The following MRGPRX3 variants were observed in gnomAD, a reference collection of about 807,000 sequenced individuals.
MRGPRX3 encodes the protein mas-related G protein-coupled receptor member X3.
In MRGPRX3, 14 loss-of-function variants were observed where a neutral mutation model predicts 16.5. The observed-to-expected ratio is 0.85, with a 90% CI of 0.56 to 1.33. The LOEUF is 1.33. Ranked by LOEUF, MRGPRX3 falls within the 40% of genes most tolerant of loss-of-function variation. The pLI, the probability that MRGPRX3 is intolerant of heterozygous loss-of-function variation, is 0.00. For synonymous variants in MRGPRX3, 199 were observed against 180.1 expected (o/e 1.10, Z -0.84); for missense variants, 449 against 413.0 (o/e 1.09, Z -0.76).
chr11:18,127,755 G>A (rs994750214), upstream of MRGPRX3, among the ~76,000 whole-genome samples: 3 of 152,078 alleles, frequency 2.0e-5, no homozygotes, highest in South Asian at 6.2e-4. Flanking sequence ...TCGTCTGAAG[G>A]CTTCTTCTCT....
chr11:18,129,797 C>A (rs765893507), upstream of MRGPRX3, among the ~76,000 whole-genome samples: 2 of 152,158 alleles, frequency 1.3e-5, no homozygotes, highest in Non-Finnish European at 2.9e-5. Flanking sequence ...TACTAGCTAA[C>A]CCAATCCAAC....
rs1473817971 is a variant in MRGPRX3 at position 18,137,889 on chromosome 11, C to A, written c.687C>A (p.Gly229=). Residue 229 remains glycine (G), a synonymous_variant, in exon 2 of 2, where the codon GGC becomes GGA. Transcript: ENST00000621697. ...LLTVLVFLLC[G]LPFGIQWALF... is the part of the protein sequence containing the mutation. ...CAGTGCTGGTCTTCCTCCTCTGTGG[C>A]CTGCCCTTTGGCATTCAGTGGGCCC... 2 of 1,614,100 alleles carry A rather than the reference C, an allele frequency of 1.2e-6. No homozygotes were observed. Among genetic ancestry groups the A allele is most frequent in the African/African-American group, 2.7e-5 (2 of 74,938 alleles).
chr11:18,135,287 C>T (rs1479301451), intron 1 of MRGPRX3, among the ~76,000 whole-genome samples: 1 of 152,154 alleles, frequency 6.6e-6, no homozygotes, highest in East Asian at 1.9e-4. Context: ...TACGGATCTT[C>T]GGGTTTCATG....
At chr11:18,132,228 T>C (rs1429355907), upstream of MRGPRX3, among the ~76,000 whole-genome samples, 1 of 152,160 alleles carries the variant, frequency 6.6e-6, no homozygotes, top group African/African-American at 2.4e-5. Flanking sequence ...AAAGAAAGTA[T>C]ACACATGAAT....
At position 18,137,511 on chromosome 11, in the gene MRGPRX3, C is replaced by T. The variant is rs1387076162; in HGVS notation, c.309C>T (p.Thr103=). Reference sequence around the variant, plus strand: ...CCAAAATCCTCAGTCCTGTGATGACCTTTCCCTACTTTATAGGCCTAAGCA... The same window carrying T: ...CCAAAATCCTCAGTCCTGTGATGACTTTTCCCTACTTTATAGGCCTAAGCA... ...PISKILSPVM[T]FPYFIGLSML... The change falls in exon 2 of 2, where the codon ACC becomes ACT. Residue 103 remains threonine (T), a synonymous_variant. Coordinates refer to ENST00000621697, the MANE Select transcript of MRGPRX3 (RefSeq NM_001370464.1). 1 of 1,614,196 alleles carries T rather than the reference C, an allele frequency of 6.2e-7. No homozygotes were observed. The highest frequency in any genetic ancestry group is 8.5e-7 in the Non-Finnish European group (1 of 1,180,046).
chr11:18,134,518 C>T (rs1164364895), intron 1 of MRGPRX3, among the ~76,000 whole-genome samples: 1 of 152,154 alleles, frequency 6.6e-6, no homozygotes, highest in African/African-American at 2.4e-5. Flanking sequence ...AGAGTATATA[C>T]AAATACCACA....
chr11:18,137,022 C>T (rs1681608569), intron 1 of MRGPRX3, among the ~76,000 whole-genome samples, 156 bp from the exon 2 acceptor site: 1 of 152,176 alleles, frequency 6.6e-6, no homozygotes, highest in Non-Finnish European at 1.5e-5. Flanking sequence ...GGATTTCAAA[C>T]TGGATTTGAG....
At chr11:18,132,036 G>C (rs1564880884), upstream of MRGPRX3, among the ~76,000 whole-genome samples, 1 of 152,100 alleles carries the variant, frequency 6.6e-6, no homozygotes, top group Non-Finnish European at 1.5e-5. Context: ...AACACCACCT[G>C]TTCCCCAAAA....
At chr11:18,129,088 G>A (rs72863178), upstream of MRGPRX3, among the ~76,000 whole-genome samples, 12,368 of 152,272 alleles carry the variant, frequency 0.081, 527 homozygotes, top group Middle Eastern at 0.13. Flanking sequence ...ACATCAAAAT[G>A]TCTGAAAGAG....
At chr11:18,134,995 T>C (rs375661003) in intron 1 of MRGPRX3, among the ~76,000 whole-genome samples, 4 of 152,188 alleles carry the variant, frequency 2.6e-5, no homozygotes, top group East Asian at 3.9e-4. Flanking sequence ...TCTGATTCTG[T>C]GCTCACATCA....
At chr11:18,130,165 G>T (rs1465374187), upstream of MRGPRX3, among the ~76,000 whole-genome samples, 1 of 152,122 alleles carries the variant, frequency 6.6e-6, no homozygotes, top group Admixed American at 6.5e-5. Flanking sequence ...CATAGTAGTG[G>T]AAGTTTTAGC....
At chr11:18,128,262 A>G (rs1848922982), upstream of MRGPRX3, among the ~76,000 whole-genome samples, 1 of 152,196 alleles carries the variant, frequency 6.6e-6, no homozygotes, top group Admixed American at 6.5e-5. Context: ...CTTTTCTCAG[A>G]TCTCAAGCTG....
chr11:18,132,052 A>T (rs954024475), upstream of MRGPRX3, among the ~76,000 whole-genome samples: 1 of 152,318 alleles, frequency 6.6e-6, no homozygotes, highest in East Asian at 1.9e-4. Flanking sequence ...CAAAATCCCA[A>T]TGAAATAAAA....
intron 1 of MRGPRX3, among the ~76,000 whole-genome samples, chr11:18,134,196 T>C (rs188560373): frequency 1.6e-4 from 24 of 152,340 alleles, no homozygotes; most frequent in Non-Finnish European, 2.6e-4. Context: ...AAAGAACATA[T>C]GTATTTTGTT....
chr11:18,129,864 G>A (rs1246925127), upstream of MRGPRX3, among the ~76,000 whole-genome samples: 1 of 152,154 alleles, frequency 6.6e-6, no homozygotes, highest in Admixed American at 6.5e-5. Context: ...AGGGGTGCAG[G>A]ATAGGTTAAC....
intron 1 of MRGPRX3, among the ~76,000 whole-genome samples, chr11:18,124,802 T>A (rs1290124664): frequency 1.3e-5 from 2 of 152,246 alleles, no homozygotes; most frequent in African/African-American, 4.8e-5. Context: ...AATTCGGCTG[T>A]GAATTCATCT....
rs947585781 is a variant in MRGPRX3 at position 18,137,217 on chromosome 11, C to T, written c.15C>T (p.Ile5=). Residue 5 remains isoleucine (I), a synonymous_variant, in exon 2 of 2, where the codon ATC becomes ATT. Coordinates refer to ENST00000621697, the MANE Select transcript of MRGPRX3 (RefSeq NM_001370464.1). MDST[I]PVLGTELTPI... ...GGTTTCTGAGCATGGATTCAACCAT[C>T]CCAGTCTTGGGTACAGAACTGACAC... is the stretch of plus-strand genomic sequence containing the variant. 1.3e-6 allele frequency: 2 copies of T among 1,597,520 alleles called. No individual in the cohort carries two copies. The highest frequency in any genetic ancestry group is 1.7e-6 in the Non-Finnish European group (2 of 1,169,434).
chr11:18,122,677 T>A (rs1442425280), intron 1 of MRGPRX3, among the ~76,000 whole-genome samples: 1 of 152,188 alleles, frequency 6.6e-6, no homozygotes, highest in Admixed American at 6.5e-5. Context: ...AGCAGGGTGA[T>A]TTATAATCCT....
chr11:18,137,687 A>G lies in MRGPRX3; in HGVS notation c.485A>G (p.Asp162Gly), dbSNP rs757003097. 1.9e-5 allele frequency: 30 copies of G among 1,613,596 alleles called. No individual in the cohort carries two copies. The South Asian group carries it at 3.1e-4, about 17-fold the overall frequency. The change falls in exon 2 of 2, where the codon GAC becomes GGC. Residue 162 changes from aspartate to glycine, a missense_variant. Coordinates refer to ENST00000621697, the MANE Select transcript of MRGPRX3 (RefSeq NM_001370464.1). ...AGTATCCTGGAGTGGATGTTCTGTG[A>G]CTTCCTGTTTAGTGGTGCTAATTCT... is the stretch of plus-strand genomic sequence containing the variant. ...LRSILEWMFC[D>G]FLFSGANSVW...
Sources: allele counts gnomAD v4.1 joint callset (sites outside exome capture counted in the v4.1 genomes callset), GRCh38; gene constraint gnomAD v4.1.1; transcripts MANE v1.5; gene names NCBI Gene and HGNC (gene_info 2026-07-23, HGNC 2026-07-21).